Variants in RYR3 observed in about 807,000 individuals in gnomAD.
RYR3 encodes brain ryanodine receptor-calcium release channel.
RYR3 carries 207 observed loss-of-function variants against 584.3 expected under a neutral mutation model. The observed-to-expected ratio is 0.35, with a 90% CI of 0.32 to 0.40. The LOEUF is 0.40. Ranked by LOEUF, RYR3 falls within the 10% of genes least tolerant of loss-of-function variation. The pLI is 1.00. For synonymous variants in RYR3, 2,416 were observed against 2,248.5 expected (o/e 1.07, Z -2.11); for missense variants, 5,616 against 6,089.2 (o/e 0.92, Z 2.59).
chr15:33,495,735 C>T (rs1057148984), intron 2 of RYR3, among the ~76,000 whole-genome samples: 7 of 152,150 alleles, frequency 4.6e-5, no homozygotes, highest in Admixed American at 2.6e-4. Flanking sequence ...CACCGTGTAA[C>T]TTTCTCCATT....
rs760230405 is a variant in RYR3 at position 33,821,567 on chromosome 15, G to A, written c.10960G>A (p.Ala3654Thr). Residue 3654 changes from alanine (A) to threonine (T), a missense_variant, in exon 80 of 104, where the codon GCC becomes ACC. By Grantham distance (58) the Ala-to-Thr change is moderately conservative. This residue lies in a region of RYR3 where 954 missense variants were observed against 1,132.2 expected (regional missense o/e 0.84). Coordinates refer to ENST00000634891, the MANE Select transcript of RYR3 (RefSeq NM_001036.6). ...MVVETLKLGI[A>T]ILNGGNAGVQ... ...GGTTGAGACGCTGAAGCTGGGGATC[G>A]CCATTCTGAACGGAGGCAATGCTGG... 5 of 1,613,854 alleles carry A rather than the reference G, an allele frequency of 3.1e-6. No individual in the cohort carries two copies. Among genetic ancestry groups the A allele is most frequent in the African/African-American group, 2.7e-5 (2 of 74,920 alleles).
intron 1 of RYR3, among the ~76,000 whole-genome samples, chr15:33,328,139 G>T (rs947135471): frequency 2.1e-4 from 32 of 152,164 alleles, no homozygotes; most frequent in African/African-American, 7.5e-4. Flanking sequence ...ATAAACATAT[G>T]CAGAACAACC....
chr15:33,386,657 C>T (rs1050154619), intron 1 of RYR3, among the ~76,000 whole-genome samples: 1 of 152,176 alleles, frequency 6.6e-6, no homozygotes, highest in Non-Finnish European at 1.5e-5. Flanking sequence ...ATCTGAAACT[C>T]TCTATCCATT....
At chr15:33,673,631 A>G (rs1045264645) in intron 38 of RYR3, among the ~76,000 whole-genome samples, 2 of 152,196 alleles carry the variant, frequency 1.3e-5, no homozygotes, top group African/African-American at 2.4e-5. Flanking sequence ...ATTTCCTTCA[A>G]TGTAAATATA....
At chr15:33,742,497 A>G in intron 52 of RYR3, 53 bp downstream of exon 52, 2 of 1,166,258 alleles carry the variant, frequency 1.7e-6, no homozygotes, top group Non-Finnish European at 2.6e-6. Context: ...CAGCCCAAGA[A>G]CATTAAAGGG....
intron 3 of RYR3, among the ~76,000 whole-genome samples, chr15:33,504,830 A>G (rs1156482015): frequency 2.6e-5 from 4 of 152,036 alleles, no homozygotes; most frequent in Admixed American, 1.3e-4. Flanking sequence ...CATATCACCT[A>G]TTCCTTCCAC....
intron 1 of RYR3, among the ~76,000 whole-genome samples, chr15:33,359,115 C>G (rs9920488): frequency 0.14 from 20,691 of 152,142 alleles, 1,874 homozygotes; most frequent in East Asian, 0.32. Flanking sequence ...ATCTCTTGCT[C>G]CAACGGTGTG....
chr15:33,669,641 A>G (rs1353588068), intron 37 of RYR3, among the ~76,000 whole-genome samples, 185 bp downstream of exon 37: 2 of 152,180 alleles, frequency 1.3e-5, no homozygotes, highest in African/African-American at 4.8e-5. Flanking sequence ...ACCCTGACAG[A>G]ATATATGACC....
intron 1 of RYR3, among the ~76,000 whole-genome samples, chr15:33,463,596 C>T (rs2048219343): frequency 1.3e-5 from 2 of 148,558 alleles, no homozygotes; most frequent in African/African-American, 4.8e-5. Flanking sequence ...TTCCATGTTA[C>T]ATAACAGCAT....
intron 10 of RYR3, among the ~76,000 whole-genome samples, chr15:33,557,592 C>T (rs2057148922): frequency 6.6e-6 from 1 of 152,046 alleles, no homozygotes; most frequent in African/African-American, 2.4e-5. Flanking sequence ...ACCATGTTGG[C>T]CGGGATGGTC....
chr15:33,696,894 C>T lies in RYR3; in HGVS notation c.6134+403C>T, dbSNP rs560528265. Among the ~76,000 whole-genome samples the T allele has an allele frequency of 5.9e-5, 9 of 152,268 alleles. No homozygotes were observed. The South Asian group carries it at 1.9e-3, about 32-fold the overall frequency. On this transcript the variant is annotated intron_variant, in intron 39 of 103. Coordinates refer to ENST00000634891, the MANE Select transcript of RYR3 (RefSeq NM_001036.6). ...GATCTCTCCCTTTTCTCAGGACTAA[C>T]CTAGAGTCGTTTTTGTTAGTTCATT... is the stretch of plus-strand genomic sequence containing the variant.
chr15:33,603,462 C>G, intron 18 of RYR3, 98 bp downstream of exon 18: 1 of 1,297,486 alleles, frequency 7.7e-7, no homozygotes, highest in Non-Finnish European at 1.1e-6. Context: ...TGAAATGATA[C>G]AGACTCAAGA....
intron 63 of RYR3, among the ~76,000 whole-genome samples, chr15:33,772,993 AT>A (rs1489877785): frequency 6.6e-6 from 1 of 152,250 alleles, no homozygotes; most frequent in East Asian, 1.9e-4. Flanking sequence ...CCTAGGAAAC[AT>A]GATAAAATCA....
intron 49 of RYR3, 34 bp downstream of exon 49, chr15:33,736,359 A>G (rs1377103854): frequency 7.0e-7 from 1 of 1,437,724 alleles, no homozygotes. Context: ...AATACAGTCT[A>G]TTGCACAGGA....
chr15:33,663,823 C>T, intron 36 of RYR3, 86 bp downstream of exon 36: 2 of 1,153,116 alleles, frequency 1.7e-6, no homozygotes, highest in South Asian at 2.9e-5. Flanking sequence ...TCTATGGTCT[C>T]TGGGGCAGCC....
chr15:33,723,680 G>A (rs955325143), intron 44 of RYR3, among the ~76,000 whole-genome samples: 2 of 152,302 alleles, frequency 1.3e-5, no homozygotes, highest in East Asian at 1.9e-4. Context: ...GAGGCCCAAG[G>A]TCATATAGCT....
rs780780307 is a variant in RYR3, at chr15:33,739,982, A to G, written c.7807A>G (p.Ile2603Val). 6 of 1,613,832 alleles carry G rather than the reference A, an allele frequency of 3.7e-6. No individual in the cohort carries two copies. In the South Asian group the frequency reaches 5.5e-5, roughly 15 times the overall value. ...DADGNFDPKP[I>V]NTMNFSLPEK... ...GGATGGCAACTTTGACCCAAAACCTATTAACACCATGAAGTGAGTCCAGAA... is the reference window on the plus strand; with the variant it reads ...GGATGGCAACTTTGACCCAAAACCTGTTAACACCATGAAGTGAGTCCAGAA... Residue 2603 changes from isoleucine (I) to valine (V), a missense_variant, in exon 51 of 104, where the codon ATT (isoleucine) becomes GTT (valine). Coordinates refer to ENST00000634891, the MANE Select transcript of RYR3 (RefSeq NM_001036.6).
At position 33,838,630 on chromosome 15, in the gene RYR3, G is replaced by C; in HGVS notation, c.12650G>C (p.Gly4217Ala). ...ATCCTCTGGAGCACAGTGTTTGGAG[G>C]GGGCCTGGTAGAAGGGGCAAAGAAC... ...FQILWSTVFGGGLVEGAKNIR... is the reference protein window; with the variant it reads ...FQILWSTVFGAGLVEGAKNIR... The change falls in exon 89 of 104, where the codon GGG (glycine) becomes GCG (alanine). Residue 4217 changes from glycine (G) to alanine (A), a missense_variant. Transcript: ENST00000634891. 5 of 1,613,890 alleles carry C rather than the reference G, an allele frequency of 3.1e-6. No individual in the cohort carries two copies. The South Asian group carries it at 5.5e-5, about 18-fold the overall frequency.
intron 94 of RYR3, chr15:33,851,682 C>G (rs1412545411): frequency 6.6e-6 from 1 of 152,068 alleles, no homozygotes; most frequent in African/African-American, 2.4e-5. Flanking sequence ...GGTCCTTGGC[C>G]CTTCAGCATC....
Sources: gnomAD v4.1 joint callset for allele counts (sites outside exome capture counted in the v4.1 genomes callset) on GRCh38, gnomAD v4.1.1 for gene constraint, gnomAD v4.1.1 regional missense constraint, MANE v1.5 for transcripts, NCBI Gene and HGNC (gene_info 2026-07-23, HGNC 2026-07-21) for gene names.